The following GRK4 variants were observed in gnomAD, a reference collection of about 807,000 sequenced individuals.
GRK4 encodes the protein G protein-coupled receptor kinase 4, also known as G protein-coupled receptor kinase 2-like.
Under a neutral mutation model 77.9 loss-of-function variants are expected in GRK4, and 73 were observed. The observed-to-expected ratio is 0.94, with a 90% CI of 0.78 to 1.14. The LOEUF (loss-of-function observed/expected upper bound fraction) is 1.14. Ranked by LOEUF, GRK4 falls within the 50% of genes most tolerant of loss-of-function variation. GRK4 has a pLI of 0.00. For missense variants in GRK4, 729 were observed against 700.2 expected (o/e 1.04, Z -0.46); for synonymous variants, 257 against 254.4 (o/e 1.01, Z -0.10).
chr4:2,984,342 TTCA>T (rs1180597881), intron 1 of GRK4, among the ~76,000 whole-genome samples, 168 bp from the exon 2 acceptor site: 28 of 152,206 alleles, frequency 1.8e-4, no homozygotes, highest in Non-Finnish European at 3.5e-4. Flanking sequence ...AATTTTATAC[TTCA>T]TCAAGCAGCT....
rs147376333 is a variant in GRK4, at chr4:3,011,178, C to T, written c.600+1467C>T. Among the ~76,000 whole-genome samples, 58 of 152,256 alleles carry T rather than the reference C, an allele frequency of 3.8e-4. 2 individuals carry two copies. The East Asian group carries it at 0.011, about 28-fold the overall frequency. ...GAGGAAAAATTTCTGGAACATGGGTCATGTGTTTACAAAGGAATGAAAGTC... is the reference window on the plus strand; with the variant it reads ...GAGGAAAAATTTCTGGAACATGGGTTATGTGTTTACAAAGGAATGAAAGTC... On this transcript the variant is annotated intron_variant, in intron 7 of 15. Transcript: ENST00000398052.
intron 4 of GRK4, among the ~76,000 whole-genome samples, chr4:2,996,114 C>T (rs764064709): frequency 1.3e-5 from 2 of 151,968 alleles, no homozygotes; most frequent in African/African-American, 4.8e-5. Flanking sequence ...CTGGCAAGGG[C>T]CTTCTTGCTG....
At chr4:3,018,409 C>T (rs1235217657) in intron 8 of GRK4, among the ~76,000 whole-genome samples, 1 of 152,110 alleles carries the variant, frequency 6.6e-6, no homozygotes, top group Non-Finnish European at 1.5e-5. Context: ...TGGTGTGCAC[C>T]TGTAGTCCCA....
At chr4:3,005,562 G>A (rs987260425) in intron 5 of GRK4, among the ~76,000 whole-genome samples, 2 of 152,144 alleles carry the variant, frequency 1.3e-5, no homozygotes, top group African/African-American at 4.8e-5. Flanking sequence ...CAGCACTTTG[G>A]GAGGCCGAGG....
chr4:3,030,603 C>G (rs933819647), intron 12 of GRK4, among the ~76,000 whole-genome samples: 14 of 151,808 alleles, frequency 9.2e-5, no homozygotes, highest in Non-Finnish European at 2.9e-5. Context: ...GACCCGCACT[C>G]TGGAGGACGG....
At chr4:3,009,785 G>A in intron 7 of GRK4, 74 bp downstream of exon 7, 2 of 1,070,604 alleles carry the variant, frequency 1.9e-6, no homozygotes, top group East Asian at 2.4e-5. Context: ...CATGGCTTCA[G>A]GTAATGCATC....
intron 9 of GRK4, among the ~76,000 whole-genome samples, chr4:3,021,720 T>A (rs1302128208): frequency 6.6e-6 from 1 of 152,174 alleles, no homozygotes; most frequent in Non-Finnish European, 1.5e-5. Flanking sequence ...GGAGATTTGA[T>A]TCTTTTGTTA....
rs570261557 is a variant in GRK4 at position 3,011,306 on chromosome 4, C to T, written c.600+1595C>T. 9.9e-5 allele frequency among the ~76,000 whole-genome samples: 15 copies of T among 152,240 alleles called. 1 individual carries two copies. In the East Asian group the frequency reaches 2.1e-3, roughly 22 times the overall value. ...CTATTGTGAAAGACCTGGTGCTGGG[C>T]GCGGTGGCTCACGCCTGTAATCCTA... On this transcript the variant is annotated intron_variant, in intron 7 of 15. Coordinates refer to ENST00000398052, the MANE Select transcript of GRK4 (RefSeq NM_182982.3).
intron 12 of GRK4, among the ~76,000 whole-genome samples, chr4:3,033,787 A>G (rs1384563796): frequency 6.6e-6 from 1 of 152,050 alleles, no homozygotes; most frequent in African/African-American, 2.4e-5. Context: ...GGGTTTCACC[A>G]TGTTGGCCAG....
chr4:3,004,396 T>C (rs904545886), intron 5 of GRK4, 62 bp downstream of exon 5: 3 of 1,040,254 alleles, frequency 2.9e-6, no homozygotes, highest in Non-Finnish European at 4.4e-6. Context: ...ACAGACAGCT[T>C]TCAGGAGGTT....
intron 2 of GRK4, chr4:2,986,976 A>C (rs1724576664): frequency 6.0e-6 from 2 of 334,984 alleles, no homozygotes; most frequent in Non-Finnish European, 1.2e-5. Flanking sequence ...TTCATATGCC[A>C]TACAACTTAT....
At chr4:2,967,179 C>G (rs1359139215) in intron 1 of GRK4, among the ~76,000 whole-genome samples, 2 of 152,208 alleles carry the variant, frequency 1.3e-5, no homozygotes, top group Admixed American at 6.5e-5. Context: ...GACTTTTTAG[C>G]TTCCAGAACT....
chr4:2,996,107 G>T (rs1421996489), intron 4 of GRK4, among the ~76,000 whole-genome samples: 1 of 151,866 alleles, frequency 6.6e-6, no homozygotes, highest in Non-Finnish European at 1.5e-5. Flanking sequence ...CCAGCATCTG[G>T]CAAGGGCCTT....
intron 12 of GRK4, 61 bp downstream of exon 12, chr4:3,029,470 C>G (rs1738533970): frequency 6.9e-7 from 1 of 1,448,388 alleles, no homozygotes; most frequent in Non-Finnish European, 9.6e-7. Context: ...GTTGTTTTCA[C>G]TGGCAGCTAT....
intron 1 of GRK4, among the ~76,000 whole-genome samples, chr4:2,969,595 C>T (rs1718851750): frequency 6.6e-6 from 1 of 151,788 alleles, no homozygotes; most frequent in Admixed American, 6.6e-5. Flanking sequence ...AGGCTGGTCT[C>T]GAACTCCCAA....
chr4:3,007,599 T>C, intron 5 of GRK4, 137 bp from the exon 6 acceptor site: 3 of 522,918 alleles, frequency 5.7e-6, no homozygotes, highest in Non-Finnish European at 1.0e-5. Flanking sequence ...TGGACTTCTG[T>C]AATTGCAAAT....
At chr4:2,993,622 T>C (rs1056412329) in intron 4 of GRK4, among the ~76,000 whole-genome samples, 1 of 152,152 alleles carries the variant, frequency 6.6e-6, no homozygotes, top group Non-Finnish European at 1.5e-5. Flanking sequence ...GGCAGTGAGC[T>C]GAGATCGTGC....
chr4:2,985,291 C>T (rs1723966595), intron 2 of GRK4, among the ~76,000 whole-genome samples: 1 of 151,492 alleles, frequency 6.6e-6, no homozygotes, highest in South Asian at 2.1e-4. Flanking sequence ...ATCCCAGCTG[C>T]TTGGGAGGCT....
chr4:3,031,917 G>A (rs932820297), intron 12 of GRK4, among the ~76,000 whole-genome samples: 1 of 152,158 alleles, frequency 6.6e-6, no homozygotes, highest in Non-Finnish European at 1.5e-5. Flanking sequence ...TGGGCTGGCA[G>A]TGGCTGGAGA....
Sources: allele counts gnomAD v4.1 joint callset (sites outside exome capture counted in the v4.1 genomes callset), GRCh38; gene constraint gnomAD v4.1.1; transcripts MANE v1.5; gene names NCBI Gene and HGNC (gene_info 2026-07-23, HGNC 2026-07-21).